CPOX: variants seen among roughly 807,000 people sequenced by gnomAD.
CPOX encodes the protein oxygen-dependent coproporphyrinogen-III oxidase, mitochondrial.
Under a neutral mutation model 48.9 loss-of-function variants are expected in CPOX, and 24 were observed. That is an observed-to-expected ratio of 0.49 (90% CI 0.36 to 0.69). CPOX has a LOEUF of 0.69. Among genes scored for constraint, CPOX ranks in the 30% least tolerant of loss-of-function variants. The pLI, the probability that CPOX is intolerant of heterozygous loss-of-function variation, is 0.00. For missense variants in CPOX, 549 were observed against 597.3 expected (o/e 0.92, Z 0.84); for synonymous variants, 249 against 234.6 (o/e 1.06, Z -0.56).
In CPOX at chr3:98,579,713, A is replaced by AT. The variant is rs1476486764; in HGVS notation, c.*969dup. Reference sequence around the variant, plus strand: ...AGCAAAGAGCTGCAGAATCTCTAATATAAAAAAGAGGACATTTTCAATGTG... The same window carrying AT: ...AGCAAAGAGCTGCAGAATCTCTAATATTAAAAAAGAGGACATTTTCAATGTG... On this transcript the variant is annotated 3_prime_UTR_variant, in exon 7 of 7. Coordinates refer to ENST00000647941, the MANE Select transcript of CPOX (RefSeq NM_000097.7). 1.0e-6 allele frequency: 1 copy of AT among 985,338 alleles called. No individual in the cohort carries two copies. Among genetic ancestry groups the AT allele is most frequent in the African/African-American group, 1.7e-5 (1 of 57,262 alleles). 61.0% of individuals were successfully genotyped at this position (985,338 alleles called of 1,614,324 possible).
At chr3:98,589,459 G>T (rs986909574) in intron 3 of CPOX, among the ~76,000 whole-genome samples, 1 of 152,046 alleles carries the variant, frequency 6.6e-6, no homozygotes, top group Non-Finnish European at 1.5e-5. Context: ...TTGCAACTCT[G>T]GCTGTATATA....
At chr3:98,585,933 T>A in intron 4 of CPOX, 1 of 378,818 alleles carries the variant, frequency 2.6e-6, no homozygotes. Context: ...AGTGCAGTGG[T>A]GCGATCTTGA....
At position 98,593,107 on chromosome 3, in the gene CPOX, G is replaced by T. The variant is rs565776283; in HGVS notation, c.398C>A (p.Pro133Gln). 2 of 1,613,594 alleles carry T rather than the reference G, an allele frequency of 1.2e-6. No individual in the cohort carries two copies. Among genetic ancestry groups the T allele is most frequent in the Non-Finnish European group, 1.7e-6 (2 of 1,179,956 alleles). Residue 133 changes from proline (P) to glutamine (Q), a missense_variant, in exon 1 of 7, where the codon CCG (proline) becomes CAG (glutamine). Around this residue, in one of 2 missense-constraint regions of CPOX, gnomAD observed 336 missense variants for 318.1 expected, o/e 1.06. Transcript: ENST00000647941. ...LAHRCSSFMA[P>Q]PVTDLGELRR... ...CAGCTCGCCCAGGTCGGTCACAGGC[G>T]GGGCCATGAAGCTGCTGCAGCGGTG...
intron 4 of CPOX, chr3:98,585,992 C>G: frequency 2.9e-6 from 1 of 339,186 alleles, no homozygotes; most frequent in Non-Finnish European, 5.8e-6. Context: ...CCTGCCTCAG[C>G]GTCCCAAGTA....
intron 4 of CPOX, among the ~76,000 whole-genome samples, chr3:98,587,108 A>C (rs1707379009): frequency 6.6e-6 from 1 of 152,200 alleles, no homozygotes; most frequent in Non-Finnish European, 1.5e-5. Flanking sequence ...GCTATTTAAA[A>C]GGTTACCTTA....
At chr3:98,575,835 A>C (rs774965642), downstream of CPOX, among the ~76,000 whole-genome samples, 9 of 151,030 alleles carry the variant, frequency 6.0e-5, no homozygotes, top group Non-Finnish European at 1.3e-4. Context: ...TGGGAGGCCG[A>C]GGCAGGTGGA....
chr3:98,593,506 T>C lies in CPOX; in HGVS notation c.-2A>G. Reference sequence around the variant, plus strand: ...CAGCCTGCCCAGCTGCAAGGCCATGTTCCCGCACTATCACCTGGAGCAGTG... The same window carrying C: ...CAGCCTGCCCAGCTGCAAGGCCATGCTCCCGCACTATCACCTGGAGCAGTG... On this transcript the variant is annotated 5_prime_UTR_variant, in exon 1 of 7. Transcript: ENST00000647941. The C allele has an allele frequency of 6.6e-7, 1 of 1,521,620 alleles. No individual in the cohort carries two copies. The highest frequency in any genetic ancestry group is 2.5e-5 in the East Asian group (1 of 39,784). The allele number at this position is 1,521,620 out of a possible 1,614,324, so 94.3% of individuals were successfully genotyped here.
At chr3:98,586,280 T>C (rs547833877) in intron 4 of CPOX, among the ~76,000 whole-genome samples, 1 of 152,204 alleles carries the variant, frequency 6.6e-6, no homozygotes, top group Non-Finnish European at 1.5e-5. Flanking sequence ...ATATCGATAG[T>C]GTATTTCTTG....
chr3:98,581,302 T>G, intron 6 of CPOX, 105 bp downstream of exon 6: 1 of 858,970 alleles, frequency 1.2e-6, no homozygotes, highest in East Asian at 2.5e-5. Context: ...AAGTCAAAAC[T>G]AACAAAGACC....
Position 98,593,278 on chromosome 3 carries a change from G to A in CPOX, c.227C>T (p.Thr76Ile). Residue 76 changes from threonine to isoleucine, a missense_variant, in exon 1 of 7, where the codon ACA becomes ATA. Physicochemically the swap from Thr to Ile is moderately conservative, Grantham distance 89 (BLOSUM62 -1). This residue lies in a region of CPOX where 336 missense variants were observed against 318.1 expected (regional missense o/e 1.06). Coordinates refer to ENST00000647941, the MANE Select transcript of CPOX (RefSeq NM_000097.7). ...STSRGGPWVG[T>I]GLAAALAGLV... Reference sequence around the variant, plus strand: ...CCCCGCCAGCGCCGCGGCCAGCCCTGTCCCCACCCAGGGGCCGCCTCTCGA... The same window carrying A: ...CCCCGCCAGCGCCGCGGCCAGCCCTATCCCCACCCAGGGGCCGCCTCTCGA... 3.4e-6 allele frequency: 5 copies of A among 1,473,214 alleles called. No homozygotes were observed. The highest frequency in any genetic ancestry group is 4.5e-6 in the Non-Finnish European group (5 of 1,120,436). 91.3% of individuals were successfully genotyped at this position (1,473,214 alleles called of 1,614,324 possible). A position where few individuals can be genotyped will look rare whatever the true frequency, so the allele number is the denominator to read the frequency against.
At chr3:98,587,337 A>C (rs1010197225) in intron 4 of CPOX, among the ~76,000 whole-genome samples, 1 of 152,136 alleles carries the variant, frequency 6.6e-6, no homozygotes. Context: ...AAAACATTAC[A>C]AAATTAAGTG....
chr3:98,586,257 G>C lies in CPOX; in HGVS notation c.954-598C>G, dbSNP rs188867463. Among the ~76,000 whole-genome samples, 6 of 152,332 alleles carry C rather than the reference G, an allele frequency of 3.9e-5. No homozygotes were observed. In the East Asian group the frequency reaches 1.2e-3, roughly 29 times the overall value. ...GAAACTCTAAGAACTTTAGTGAAAAGAGAAACAGTCCAATATCGATAGTGT... is the reference window on the plus strand; with the variant it reads ...GAAACTCTAAGAACTTTAGTGAAAACAGAAACAGTCCAATATCGATAGTGT... On this transcript the variant is annotated intron_variant, in intron 4 of 6. Coordinates refer to ENST00000647941, the MANE Select transcript of CPOX (RefSeq NM_000097.7).
chr3:98,582,258 C>A (rs964045576), intron 5 of CPOX, among the ~76,000 whole-genome samples: 1 of 152,020 alleles, frequency 6.6e-6, no homozygotes, highest in African/African-American at 2.4e-5. Context: ...AGGATGTAAA[C>A]GGGTCTCCCT....
chr3:98,582,493 C>T (rs975399543), intron 5 of CPOX, among the ~76,000 whole-genome samples: 11 of 150,628 alleles, frequency 7.3e-5, no homozygotes, highest in African/African-American at 2.4e-4. Context: ...ATTTTTTTTT[C>T]TTTTCTTTTT....
At chr3:98,576,335 A>C (rs529259303), downstream of CPOX, among the ~76,000 whole-genome samples, 19 of 152,288 alleles carry the variant, frequency 1.2e-4, no homozygotes, top group Non-Finnish European at 7.3e-5. Context: ...GCACCTTATA[A>C]AATTATCAGA....
downstream of CPOX, chr3:98,578,211 T>C: frequency 8.7e-6 from 8 of 918,302 alleles, no homozygotes; most frequent in Non-Finnish European, 9.1e-6. Flanking sequence ...TTTCCAGTAG[T>C]TATGCAATTC....
chr3:98,593,291 G>C lies in CPOX; in HGVS notation c.214C>G (p.Pro72Ala). 1 of 1,452,046 alleles carries C rather than the reference G, an allele frequency of 6.9e-7. No homozygotes were observed. Among genetic ancestry groups the C allele is most frequent in the African/African-American group, 1.4e-5 (1 of 69,644 alleles). The allele number at this position is 1,452,046 out of a possible 1,614,324, so 89.9% of individuals were successfully genotyped here. The change falls in exon 1 of 7, where the codon CCC becomes GCC. Residue 72 changes from proline to alanine, a missense_variant. Transcript: ENST00000647941. Reference protein sequence around the residue: ...LGHGSTSRGGPWVGTGLAAAL... With the variant: ...LGHGSTSRGGAWVGTGLAAAL... ...GCGGCCAGCCCTGTCCCCACCCAGG[G>C]GCCGCCTCTCGACGTCGAGCCGTGC...
chr3:98,587,737 T>C (rs1372482513), intron 4 of CPOX, among the ~76,000 whole-genome samples: 2 of 151,846 alleles, frequency 1.3e-5, no homozygotes, highest in Non-Finnish European at 2.9e-5. Flanking sequence ...GGAACAAATA[T>C]TCAAACCAAA....
chr3:98,572,134 G>A, the CPOX span, among the ~76,000 whole-genome samples: 1 of 152,154 alleles, frequency 6.6e-6, no homozygotes, highest in Admixed American at 6.5e-5. Context: ...GACTTGCTCT[G>A]TCAGGGACTG....
Sources: allele counts gnomAD v4.1 joint callset (sites outside exome capture counted in the v4.1 genomes callset), GRCh38; gene constraint gnomAD v4.1.1; regional missense constraint gnomAD v4.1.1; transcripts MANE v1.5; gene names NCBI Gene and HGNC (gene_info 2026-07-23, HGNC 2026-07-21).